Variants in BIRC6 observed in about 807,000 individuals in gnomAD.
BIRC6 encodes dual E2 ubiquitin-conjugating enzyme/E3 ubiquitin-protein ligase BIRC6.
BIRC6 carries 98 observed loss-of-function variants against 503.3 expected under a neutral mutation model. The observed-to-expected ratio is 0.19, with a 90% CI of 0.17 to 0.23. BIRC6 has a LOEUF of 0.23. Among genes scored for constraint, BIRC6 ranks in the 10% least tolerant of loss-of-function variants. BIRC6 has a pLI of 1.00. For synonymous variants in BIRC6, 2,240 were observed against 2,078.7 expected (o/e 1.08, Z -2.11); for missense variants, 5,360 against 5,806.0 (o/e 0.92, Z 2.50).
chr2:32,405,794 C>G (rs555938545), intron 8 of BIRC6, among the ~76,000 whole-genome samples: 3 of 152,196 alleles, frequency 2.0e-5, no homozygotes, highest in Admixed American at 6.5e-5. Context: ...GTCCTGAATT[C>G]AGTAATAGAA....
intron 66 of BIRC6, among the ~76,000 whole-genome samples, chr2:32,583,116 G>T (rs2060793784): frequency 1.3e-5 from 2 of 152,152 alleles, no homozygotes; most frequent in African/African-American, 4.8e-5. Flanking sequence ...ACTGCTCAAG[G>T]AATGAGTGTA....
chr2:32,516,929 A>G (rs1018059594), intron 55 of BIRC6, among the ~76,000 whole-genome samples: 4 of 152,214 alleles, frequency 2.6e-5, no homozygotes, highest in African/African-American at 9.6e-5. Context: ...CTAGTAAATA[A>G]CTTTTCTCCT....
In BIRC6 at chr2:32,477,410, T is replaced by A; in HGVS notation, c.6895T>A (p.Ser2299Thr). ...LIRLRRTAEW[S>T]RSNLDTEVTT... ...TCGTTTACGTCGGACAGCAGAATGGTCCCGTTCTAATTTAGACACAGAAGT... is the reference window on the plus strand; with the variant it reads ...TCGTTTACGTCGGACAGCAGAATGGACCCGTTCTAATTTAGACACAGAAGT... Residue 2299 changes from serine (S) to threonine (T), a missense_variant, in exon 35 of 74, where the codon TCC (serine) becomes ACC (threonine). Around this residue, in one of 16 missense-constraint regions of BIRC6, gnomAD observed 2,299 missense variants for 2,267.2 expected, o/e 1.01. Coordinates refer to ENST00000421745, the MANE Select transcript of BIRC6 (RefSeq NM_016252.4). 1 of 1,613,912 alleles carries A rather than the reference T, an allele frequency of 6.2e-7. No individual in the cohort carries two copies. The highest frequency in any genetic ancestry group is 2.2e-5 in the East Asian group (1 of 44,890).
chr2:32,515,715 C>G lies in BIRC6; in HGVS notation c.11294C>G (p.Ala3765Gly). 1 of 1,601,986 alleles carries G rather than the reference C, an allele frequency of 6.2e-7. No homozygotes were observed. The highest frequency in any genetic ancestry group is 8.5e-7 in the Non-Finnish European group (1 of 1,179,786). The change falls in exon 55 of 74, where the codon GCG (alanine) becomes GGG (glycine). Residue 3765 changes from alanine to glycine, a missense_variant. By Grantham distance (60) the Ala-to-Gly change is moderately conservative (BLOSUM62 0). Around this residue, in one of 16 missense-constraint regions of BIRC6, gnomAD observed 878 missense variants for 928.9 expected, o/e 0.95. Transcript: ENST00000421745. ...ACAGCAATTGAGAATGCAACTGTTGCGTTCTTTCTACAGTGCATTTCATGC... is the reference window on the plus strand; with the variant it reads ...ACAGCAATTGAGAATGCAACTGTTGGGTTCTTTCTACAGTGCATTTCATGC... The part of the protein sequence containing the change: ...QRTAIENATV[A>G]FFLQCISCHP...
chr2:32,425,531 A>G (rs1336793984), intron 10 of BIRC6, among the ~76,000 whole-genome samples: 1 of 149,300 alleles, frequency 6.7e-6, no homozygotes, highest in Non-Finnish European at 1.5e-5. Flanking sequence ...TGAGTATTGT[A>G]ATGTGGTACC....
chr2:32,415,014 T>A lies in BIRC6; in HGVS notation c.1723T>A (p.Tyr575Asn). 6.2e-7 allele frequency: 1 copy of A among 1,613,840 alleles called. No individual in the cohort carries two copies. Among genetic ancestry groups the A allele is most frequent in the East Asian group, 2.2e-5 (1 of 44,864 alleles). ...PCLLAGGLLT[Y>N]KSPATSPISS... ...TTTATTAGCTGGAGGTTTATTAACA[T>A]ATAAATCTCCTGCTACCTCACCCAT... The change falls in exon 10 of 74, where the codon TAT (tyrosine) becomes AAT (asparagine). Residue 575 changes from tyrosine (Y) to asparagine (N), a missense_variant. Physicochemically the swap from Tyr to Asn is moderately radical, Grantham distance 143. Around this residue, in one of 16 missense-constraint regions of BIRC6, gnomAD observed 700 missense variants for 739.3 expected, o/e 0.95. Transcript: ENST00000421745.
At chr2:32,594,606 G>A (rs1432491740) in intron 67 of BIRC6, among the ~76,000 whole-genome samples, 2 of 152,150 alleles carry the variant, frequency 1.3e-5, no homozygotes, top group Non-Finnish European at 2.9e-5. Context: ...TGAAGTGGGA[G>A]AATTACCTGA....
chr2:32,498,708 C>A (rs2052792108), intron 45 of BIRC6, among the ~76,000 whole-genome samples: 2 of 152,100 alleles, frequency 1.3e-5, no homozygotes, highest in African/African-American at 4.8e-5. Flanking sequence ...ATGCTTCAGC[C>A]TCCTGAGTAG....
At chr2:32,527,737 C>T (rs969972214) in intron 59 of BIRC6, 1 of 152,194 alleles carries the variant, frequency 6.6e-6, no homozygotes, top group Non-Finnish European at 1.5e-5. Flanking sequence ...CAGCAGTAAG[C>T]TGGAAGAAGT....
intron 1 of BIRC6, among the ~76,000 whole-genome samples, chr2:32,359,525 G>C (rs1016578979): frequency 3.3e-5 from 5 of 152,164 alleles, no homozygotes; most frequent in African/African-American, 9.7e-5. Flanking sequence ...TGGGATAACA[G>C]GTTTTGTTGG....
At chr2:32,536,002 G>C (rs143048782) in intron 61 of BIRC6, among the ~76,000 whole-genome samples, 6,139 of 152,204 alleles carry the variant, frequency 0.04, 198 homozygotes, top group African/African-American at 0.092. Flanking sequence ...GGCATTCTAA[G>C]TGGTGTGAGA....
chr2:32,406,469 C>A lies in BIRC6; in HGVS notation c.1419-30C>A, dbSNP rs183661796. ...TATGATGTATACTTTTTTTGAAATT[C>A]AAATTGTTTACTTTGTTTTTTGATT... On this transcript the variant is annotated intron_variant, in intron 8 of 73. Transcript: ENST00000421745. 3.2e-6 allele frequency: 5 copies of A among 1,552,064 alleles called. No individual in the cohort carries two copies. The Admixed American group carries it at 5.3e-5, about 16-fold the overall frequency.
Position 32,415,626 on chromosome 2 carries a change from A to C in BIRC6, c.2335A>C (p.Arg779=), listed in dbSNP as rs767484780. ...LNKLNSALCN[R]RKGELESNLA... is the part of the protein sequence containing the mutation. ...TAAATTAAACTCTGCACTATGTAAT[A>C]GACGGAAAGGTGAGCTGGAATCAAA... Residue 779 remains arginine (R), a synonymous_variant, in exon 10 of 74, where the codon AGA becomes CGA. Transcript: ENST00000421745. 9.3e-5 allele frequency: 150 copies of C among 1,613,898 alleles called. 2 individuals are homozygous for C. The Admixed American group carries it at 2.4e-3, about 26-fold the overall frequency.
intron 61 of BIRC6, chr2:32,532,219 G>T (rs1371158805): frequency 7.6e-6 from 4 of 527,292 alleles, no homozygotes; most frequent in African/African-American, 3.9e-5. Flanking sequence ...TTCCTGAGCT[G>T]CTGTACCAAA....
Position 32,447,670 on chromosome 2 carries a change from C to T in BIRC6, c.4485-1125C>T, listed in dbSNP as rs568385948. On this transcript the variant is annotated intron_variant, in intron 21 of 73. Coordinates refer to ENST00000421745, the MANE Select transcript of BIRC6 (RefSeq NM_016252.4). ...GGCAGGGGGCTGACCCCCCCTCCCCCCTCCCGGACTGGGCGGCTGGCCGGG... is the reference window on the plus strand; with the variant it reads ...GGCAGGGGGCTGACCCCCCCTCCCCTCTCCCGGACTGGGCGGCTGGCCGGG... Among the ~76,000 whole-genome samples, 1,145 of 119,664 alleles carry T rather than the reference C, an allele frequency of 9.6e-3. 28 individuals carry two copies. Among genetic ancestry groups the T allele is most frequent in the African/African-American group, 0.037 (1,089 of 29,350 alleles). The allele number at this position is 119,664 out of a possible 152,430, so 78.5% of individuals were successfully genotyped here. A position where few individuals can be genotyped will look rare whatever the true frequency, so the allele number is the denominator to read the frequency against.
Position 32,439,597 on chromosome 2 carries a change from C to T in BIRC6, c.3721C>T (p.Arg1241Cys), listed in dbSNP as rs774455207. ...AGAAGAGATTTGTAATGGTGGTATG[C>T]GTCCTGTAGTAAGGCTTCCATCCCT... ...GTEEICNGGM[R>C]PVVRLPSLKH... is the part of the protein sequence containing the mutation. The change falls in exon 16 of 74, where the codon CGT (arginine) becomes TGT (cysteine). Residue 1241 changes from arginine to cysteine, a missense_variant. By Grantham distance (180) the Arg-to-Cys change is radical. Around this residue, in one of 16 missense-constraint regions of BIRC6, gnomAD observed 2,299 missense variants for 2,267.2 expected, o/e 1.01. Coordinates refer to ENST00000421745, the MANE Select transcript of BIRC6 (RefSeq NM_016252.4). 9.3e-6 allele frequency: 15 copies of T among 1,613,508 alleles called. No homozygotes were observed. The highest frequency in any genetic ancestry group is 1.7e-4 in the Middle Eastern group (1 of 6,058).
chr2:32,448,875 A>G lies in BIRC6; in HGVS notation c.4565A>G (p.Asn1522Ser), dbSNP rs2046375548. The stretch of plus-strand genomic sequence containing the variant: ...GGCTCTTCTTGTAAAAATGTTTATA[A>G]CAGCAGCATTGGTGTCCAGTCAGAT... ...MSGSSCKNVY[N>S]SSIGVQSDEI... The change falls in exon 22 of 74, where the codon AAC (asparagine) becomes AGC (serine). Residue 1522 changes from asparagine to serine, a missense_variant. By Grantham distance (46) the Asn-to-Ser change is conservative (BLOSUM62 1). This residue lies in a region of BIRC6 where 2,299 missense variants were observed against 2,267.2 expected (regional missense o/e 1.01). Transcript: ENST00000421745. 1.2e-6 allele frequency: 2 copies of G among 1,613,658 alleles called. No individual in the cohort carries two copies. The highest frequency in any genetic ancestry group is 1.3e-5 in the African/African-American group (1 of 75,040).
intron 23 of BIRC6, among the ~76,000 whole-genome samples, chr2:32,456,491 A>G (rs1452047630): frequency 2.0e-5 from 3 of 152,204 alleles, no homozygotes; most frequent in Non-Finnish European, 2.9e-5. Context: ...TTTGTCTTGA[A>G]TATGAATGTG....
chr2:32,405,668 A>G (rs1447567937), intron 8 of BIRC6, among the ~76,000 whole-genome samples: 1 of 152,174 alleles, frequency 6.6e-6, no homozygotes, highest in East Asian at 1.9e-4. Flanking sequence ...TCCTATATGT[A>G]AAGGAGTTCT....
Sources: allele counts gnomAD v4.1 joint callset (sites outside exome capture counted in the v4.1 genomes callset), GRCh38; gene constraint gnomAD v4.1.1; regional missense constraint gnomAD v4.1.1; transcripts MANE v1.5; gene names NCBI Gene and HGNC (gene_info 2026-07-23, HGNC 2026-07-21).